Variants in DENND5B observed in about 807,000 individuals in gnomAD.
DENND5B encodes DENN domain-containing protein 5B.
A neutral mutation model predicts 140.6 loss-of-function variants in DENND5B; 34 were observed. That is an observed-to-expected ratio of 0.24 (90% CI 0.18 to 0.32). The LOEUF (loss-of-function observed/expected upper bound fraction) is 0.32, where lower values mean the gene tolerates loss of function less well. Among genes scored for constraint, DENND5B ranks in the 10% least tolerant of loss-of-function variants. The probability of loss-of-function intolerance (pLI) is 1.00; values close to 1 mark genes in which losing one functional copy is unlikely to be tolerated. For missense variants in DENND5B, 1,142 were observed against 1,560.2 expected, an observed-to-expected ratio of 0.73 and a Z score of 4.52; for synonymous variants, 551 against 562.1, an observed-to-expected ratio of 0.98 and a Z score of 0.28.
intron 1 of DENND5B, among the ~76,000 whole-genome samples, chr12:31,576,899 TA>T (rs11320234): frequency 0.68 from 101,711 of 148,648 alleles, 35,525 homozygotes; most frequent in East Asian, 0.88. Context: ...ACCTTATTTC[TA>T]AAAAAAAAAA....
chr12:31,461,250 G>A lies in DENND5B; in HGVS notation c.905-869C>T, dbSNP rs146294674. ...TTATATTTATTTTAGCCTTTATTTT[G>A]GGGGTACAAGAAGTCAAACAGATAC... On this transcript the variant is annotated intron_variant, in intron 3 of 20. Transcript: ENST00000389082. Among the ~76,000 whole-genome samples, 336 of 152,048 alleles carry A rather than the reference G, an allele frequency of 2.2e-3. 4 individuals carry two copies. Among genetic ancestry groups the A allele is most frequent in the African/African-American group, 7.3e-3 (304 of 41,474 alleles).
At chr12:31,529,969 A>G (rs1220997565) in intron 1 of DENND5B, among the ~76,000 whole-genome samples, 1 of 152,228 alleles carries the variant, frequency 6.6e-6, no homozygotes, top group African/African-American at 2.4e-5. Context: ...TGTTATACAA[A>G]TTAAACACCA....
At chr12:31,423,557 A>T in intron 11 of DENND5B, 40 bp downstream of exon 11, 2 of 1,598,714 alleles carry the variant, frequency 1.3e-6, no homozygotes, top group Admixed American at 3.4e-5. Context: ...GAGTCTTCTC[A>T]GAGTCCAGTG....
At chr12:31,496,768 GA>G (rs1285114156) in intron 1 of DENND5B, among the ~76,000 whole-genome samples, 6 of 151,900 alleles carry the variant, frequency 3.9e-5, no homozygotes, top group Non-Finnish European at 8.8e-5. Flanking sequence ...ATAGCTATCA[GA>G]TTAGTTTTTT....
intron 1 of DENND5B, among the ~76,000 whole-genome samples, chr12:31,588,960 A>G (rs1453977947): frequency 2.6e-5 from 4 of 152,170 alleles, no homozygotes; most frequent in Non-Finnish European, 5.9e-5. Context: ...CAGTTTTGCA[A>G]AAAGAGACAT....
intron 4 of DENND5B, among the ~76,000 whole-genome samples, chr12:31,453,474 T>C (rs192527852): frequency 2.0e-5 from 3 of 152,350 alleles, no homozygotes; most frequent in South Asian, 2.1e-4. Context: ...ATTTAACCTC[T>C]ACTGTCCATA....
intron 20 of DENND5B, 50 bp downstream of exon 20, chr12:31,389,274 C>G (rs932185335): frequency 1.3e-6 from 2 of 1,551,454 alleles, no homozygotes; most frequent in Non-Finnish European, 1.8e-6. Context: ...TTTCTGGACT[C>G]TAGTTCAACA....
chr12:31,474,653 A>G (rs1591866717), intron 3 of DENND5B, among the ~76,000 whole-genome samples: 1 of 152,182 alleles, frequency 6.6e-6, no homozygotes, highest in Non-Finnish European at 1.5e-5. Flanking sequence ...CAGCACACGC[A>G]ATGTTTTTAA....
chr12:31,527,786 A>G (rs1287106684), intron 1 of DENND5B, among the ~76,000 whole-genome samples: 1 of 152,170 alleles, frequency 6.6e-6, no homozygotes, highest in East Asian at 1.9e-4. Context: ...TGGGGAAAAA[A>G]AAAAATCACT....
chr12:31,529,692 C>G (rs905801762), intron 1 of DENND5B, among the ~76,000 whole-genome samples: 1 of 151,342 alleles, frequency 6.6e-6, no homozygotes, highest in South Asian at 2.1e-4. Context: ...AGTCTCATAA[C>G]CCAGTCTCAA....
intron 3 of DENND5B, among the ~76,000 whole-genome samples, chr12:31,463,962 C>T (rs773398768): frequency 5.9e-5 from 9 of 152,092 alleles, no homozygotes; most frequent in Non-Finnish European, 1.3e-4. Context: ...GCCACTGTGC[C>T]CAGCCCACAC....
At position 31,557,743 on chromosome 12, in the gene DENND5B, AAAAG is replaced by A. The variant is rs535546542; in HGVS notation, c.127+32959_127+32962del. Among the ~76,000 whole-genome samples, 3 of 152,006 alleles carry A rather than the reference AAAAG, an allele frequency of 2.0e-5. No homozygotes were observed. The South Asian group carries it at 6.3e-4, about 32-fold the overall frequency. ...AGAGTAGGGAAAAGGAGAAGAGAGA[AAAAG>A]AAAGGGCTGAAACGTGGGAACAATA... On this transcript the variant is annotated intron_variant, in intron 1 of 20. Coordinates refer to ENST00000389082, the MANE Select transcript of DENND5B (RefSeq NM_144973.4).
At chr12:31,495,303 T>C (rs193264217) in intron 2 of DENND5B, among the ~76,000 whole-genome samples, 2 of 152,104 alleles carry the variant, frequency 1.3e-5, no homozygotes, top group South Asian at 2.1e-4. Context: ...TTATTAACTA[T>C]GGAAACCCTG....
intron 2 of DENND5B, among the ~76,000 whole-genome samples, chr12:31,492,404 T>C (rs1161024511): frequency 6.6e-6 from 1 of 152,176 alleles, no homozygotes; most frequent in Non-Finnish European, 1.5e-5. Flanking sequence ...TGGATTCATA[T>C]AGTAAGAACG....
intron 1 of DENND5B, among the ~76,000 whole-genome samples, chr12:31,585,835 T>C (rs1477669120): frequency 6.6e-6 from 1 of 152,170 alleles, no homozygotes; most frequent in Admixed American, 6.5e-5. Flanking sequence ...AAGGAAAAGA[T>C]CTAAACAAAG....
chr12:31,391,174 T>A (rs1941122078), intron 19 of DENND5B, among the ~76,000 whole-genome samples: 1 of 152,146 alleles, frequency 6.6e-6, no homozygotes, highest in African/African-American at 2.4e-5. Context: ...CCCAATCTCC[T>A]ACTTTCTCTC....
chr12:31,480,367 G>A, intron 2 of DENND5B, 112 bp from the exon 3 acceptor site: 1 of 1,022,206 alleles, frequency 9.8e-7, no homozygotes, highest in Non-Finnish European at 1.3e-6. Flanking sequence ...GTTTTATCCA[G>A]ATTTAATATT....
At chr12:31,550,020 C>T (rs547373717) in intron 1 of DENND5B, among the ~76,000 whole-genome samples, 71 of 151,110 alleles carry the variant, frequency 4.7e-4, no homozygotes, top group Non-Finnish European at 7.5e-4. Flanking sequence ...GGTTCTAGAT[C>T]TCTGAGGAAT....
intron 17 of DENND5B, among the ~76,000 whole-genome samples, chr12:31,394,119 T>C (rs1461520627): frequency 6.6e-6 from 1 of 152,208 alleles, no homozygotes; most frequent in Non-Finnish European, 1.5e-5. Context: ...CTTTACCCAG[T>C]AGTTTTTGTT....
Sources: allele counts gnomAD v4.1 joint callset (sites outside exome capture counted in the v4.1 genomes callset), GRCh38; gene constraint gnomAD v4.1.1; transcripts MANE v1.5; gene names NCBI Gene and HGNC (gene_info 2026-07-23, HGNC 2026-07-21).